Variants in DPYD observed in about 807,000 individuals in gnomAD.
The protein encoded by DPYD is dihydropyrimidine dehydrogenase, also known as dihydropyrimidine dehydrogenase [NADP(+)].
DPYD carries 109 observed loss-of-function variants against 116.2 expected under a neutral mutation model. That is an observed-to-expected ratio of 0.94 (90% CI 0.80 to 1.10). DPYD has a LOEUF of 1.10. Ranked by LOEUF, DPYD falls within the 50% of genes least tolerant of loss-of-function variation. DPYD has a pLI of 0.00. For missense variants in DPYD, 1,302 were observed against 1,254.5 expected (o/e 1.04, Z -0.57); for synonymous variants, 440 against 432.0 (o/e 1.02, Z -0.23).
intron 13 of DPYD, among the ~76,000 whole-genome samples, chr1:97,462,298 T>A (rs1677074608): frequency 1.3e-5 from 2 of 152,222 alleles, no homozygotes; most frequent in Admixed American, 1.3e-4. Context: ...AATTCTGAGA[T>A]AATACACTTC....
At chr1:97,727,014 T>C (rs1224633630) in intron 4 of DPYD, among the ~76,000 whole-genome samples, 3 of 151,722 alleles carry the variant, frequency 2.0e-5, no homozygotes, top group Admixed American at 6.6e-5. Context: ...AAATAAAATT[T>C]GTAGGAGGTT....
chr1:97,781,650 G>C lies in DPYD; in HGVS notation c.234-41171C>G, dbSNP rs151143247. Among the ~76,000 whole-genome samples the C allele has an allele frequency of 6.5e-3, 996 of 152,232 alleles. 13 individuals carry two copies. Among genetic ancestry groups the C allele is most frequent in the African/African-American group, 0.023 (936 of 41,522 alleles). On this transcript the variant is annotated intron_variant, in intron 3 of 22. Coordinates refer to ENST00000370192, the MANE Select transcript of DPYD (RefSeq NM_000110.4). ...ATGTGATAAAGATCACTGAGTTCCT[G>C]AGAGTATCCATGAACACACCTTCCA... is the stretch of plus-strand genomic sequence containing the variant.
chr1:97,540,185 C>A (rs575628669), intron 12 of DPYD, among the ~76,000 whole-genome samples: 1 of 151,802 alleles, frequency 6.6e-6, no homozygotes, highest in Non-Finnish European at 1.5e-5. Context: ...CCCAAAACTG[C>A]CCCCTACCAC....
intron 1 of DPYD, among the ~76,000 whole-genome samples, chr1:97,897,185 T>A (rs1673117518): frequency 6.6e-6 from 1 of 151,916 alleles, no homozygotes; most frequent in South Asian, 2.1e-4. Flanking sequence ...ATAATAGAAT[T>A]CTACACTGAA....
chr1:97,178,293 G>C (rs1383393330), intron 20 of DPYD, among the ~76,000 whole-genome samples: 1 of 152,104 alleles, frequency 6.6e-6, no homozygotes, highest in Non-Finnish European at 1.5e-5. Flanking sequence ...CAAAAAATGA[G>C]TGTATTAGTC....
At chr1:97,699,317 G>A in intron 6 of DPYD, 34 bp downstream of exon 6, 1 of 1,593,776 alleles carries the variant, frequency 6.3e-7, no homozygotes, top group Non-Finnish European at 8.6e-7. Context: ...CATCATTTCT[G>A]ACACTATAAA....
chr1:97,917,876 G>A (rs368330954), intron 1 of DPYD, among the ~76,000 whole-genome samples: 8 of 152,256 alleles, frequency 5.3e-5, no homozygotes, highest in African/African-American at 1.7e-4. Context: ...AAAGAGTACT[G>A]TTTCAAAATA....
intron 11 of DPYD, among the ~76,000 whole-genome samples, chr1:97,572,786 G>A (rs1368589559): frequency 6.6e-6 from 1 of 151,936 alleles, no homozygotes; most frequent in Non-Finnish European, 1.5e-5. Context: ...ATACCAAGAT[G>A]TTTGATGCCC....
chr1:97,339,684 G>A (rs78371905), intron 16 of DPYD, among the ~76,000 whole-genome samples: 1,780 of 152,216 alleles, frequency 0.012, 32 homozygotes, highest in African/African-American at 0.041. Context: ...TTCTTTACAA[G>A]AAGAGCAAAG....
At chr1:97,545,711 TA>T (rs1650791380) in intron 12 of DPYD, 3 of 1,026,642 alleles carry the variant, frequency 2.9e-6, no homozygotes, top group Non-Finnish European at 4.4e-6. Context: ...TGCCAACTAA[TA>T]GTAATGGCCC....
At chr1:97,586,465 C>T (rs1401604793) in intron 10 of DPYD, among the ~76,000 whole-genome samples, 14 of 34,322 alleles carry the variant, frequency 4.1e-4, no homozygotes, top group South Asian at 1.5e-3. Flanking sequence ...TACATACATA[C>T]ATATATATAT....
At chr1:97,695,872 G>A (rs1372183848) in intron 6 of DPYD, among the ~76,000 whole-genome samples, 2 of 152,138 alleles carry the variant, frequency 1.3e-5, no homozygotes, top group Non-Finnish European at 2.9e-5. Context: ...GCTCACGCCT[G>A]TAATCCCAGC....
intron 3 of DPYD, among the ~76,000 whole-genome samples, chr1:97,802,699 C>A (rs1219264263): frequency 6.6e-6 from 1 of 151,832 alleles, no homozygotes; most frequent in African/African-American, 2.4e-5. Flanking sequence ...TCCTTCTTGC[C>A]TTGGTTGAAC....
intron 8 of DPYD, among the ~76,000 whole-genome samples, chr1:97,629,691 A>C (rs1657138638): frequency 6.6e-6 from 1 of 152,046 alleles, no homozygotes; most frequent in Non-Finnish European, 1.5e-5. Context: ...ACAAAAAAAA[A>C]CAAACAAAAA....
chr1:97,500,132 CAA>C (rs1679492933), intron 13 of DPYD, among the ~76,000 whole-genome samples: 1 of 146,618 alleles, frequency 6.8e-6, no homozygotes, highest in Non-Finnish European at 1.5e-5. Context: ...CTACAAAGAA[CAA>C]TAAAAACAAC....
At chr1:97,287,354 G>A (rs1665768149) in intron 18 of DPYD, among the ~76,000 whole-genome samples, 1 of 152,202 alleles carries the variant, frequency 6.6e-6, no homozygotes, top group Non-Finnish European at 1.5e-5. Flanking sequence ...GTGCCTCCCA[G>A]TTAGGCTGCT....
intron 20 of DPYD, among the ~76,000 whole-genome samples, chr1:97,116,569 G>A (rs111793508): frequency 0.036 from 5,461 of 152,120 alleles, 311 homozygotes; most frequent in African/African-American, 0.12. Flanking sequence ...CTACTCGGAA[G>A]GCTGAGGTGG....
chr1:97,132,228 AG>A (rs1318656534), intron 20 of DPYD, among the ~76,000 whole-genome samples: 1 of 152,192 alleles, frequency 6.6e-6, no homozygotes, highest in African/African-American at 2.4e-5. Context: ...TTTCACCAAC[AG>A]GAACATCGTT....
At chr1:97,272,558 C>T (rs914584579) in intron 18 of DPYD, among the ~76,000 whole-genome samples, 1 of 152,090 alleles carries the variant, frequency 6.6e-6, no homozygotes, top group African/African-American at 2.4e-5. Flanking sequence ...TATTTTTAAT[C>T]TCTATATACT....
Sources: allele counts gnomAD v4.1 joint callset (sites outside exome capture counted in the v4.1 genomes callset), GRCh38; gene constraint gnomAD v4.1.1; transcripts MANE v1.5; gene names NCBI Gene and HGNC (gene_info 2026-07-23, HGNC 2026-07-21).